CHL1: variants seen among roughly 807,000 people sequenced by gnomAD.
CHL1 encodes neural cell adhesion molecule L1-like protein.
CHL1 carries 96 observed loss-of-function variants against 141.9 expected under a neutral mutation model. The ratio of observed to expected loss-of-function variants is 0.68; its 90% CI spans 0.57 to 0.80. The LOEUF (loss-of-function observed/expected upper bound fraction) is 0.80, where lower values mean the gene tolerates loss of function less well. Among genes scored for constraint, CHL1 ranks in the 30% least tolerant of loss-of-function variants. CHL1 has a pLI of 0.00. For synonymous variants in CHL1, 613 were observed against 502.2 expected, an observed-to-expected ratio of 1.22 and a Z score of -2.95; for missense variants, 1,820 against 1,457.2, an observed-to-expected ratio of 1.25 and a Z score of -4.05.
intron 23 of CHL1, among the ~76,000 whole-genome samples, chr3:393,150 G>A (rs1462595406): frequency 1.3e-5 from 2 of 151,358 alleles, no homozygotes; most frequent in Non-Finnish European, 2.9e-5. Flanking sequence ...GGAGAATGGC[G>A]TGAACCCGGG....
chr3:325,176 A>G (rs200414807), intron 3 of CHL1, among the ~76,000 whole-genome samples: 26 of 125,070 alleles, frequency 2.1e-4, no homozygotes, highest in South Asian at 3.6e-4. Flanking sequence ...AAAAAAAAAG[A>G]AAATTAAAAT....
intron 10 of CHL1, among the ~76,000 whole-genome samples, chr3:353,977 A>G (rs1703486753): frequency 6.6e-6 from 1 of 152,166 alleles, no homozygotes; most frequent in Non-Finnish European, 1.5e-5. Flanking sequence ...CATACTTTGT[A>G]GTATTGTTAC....
intron 26 of CHL1, among the ~76,000 whole-genome samples, chr3:399,478 A>G (rs1262175962): frequency 1.3e-5 from 2 of 152,096 alleles, no homozygotes; most frequent in Non-Finnish European, 1.5e-5. Context: ...CGTCTCTACT[A>G]AAAATACAAA....
chr3:211,836 TA>T (rs1341174306), intron 1 of CHL1, among the ~76,000 whole-genome samples: 1 of 152,204 alleles, frequency 6.6e-6, no homozygotes. Context: ...ATACAATGTC[TA>T]TATATTATTT....
At chr3:358,610 C>G (rs1318304963) in intron 11 of CHL1, among the ~76,000 whole-genome samples, 1 of 152,090 alleles carries the variant, frequency 6.6e-6, no homozygotes, top group Non-Finnish European at 1.5e-5. Context: ...TAAGTATTTA[C>G]TGGCTGGATT....
chr3:323,140 T>C (rs960118748), intron 3 of CHL1, among the ~76,000 whole-genome samples: 1 of 151,930 alleles, frequency 6.6e-6, no homozygotes, highest in Non-Finnish European at 1.5e-5. Flanking sequence ...AAATTATGGT[T>C]GTTCAGATAG....
At chr3:401,791 T>G in intron 27 of CHL1, 93 bp downstream of exon 27, 1 of 715,034 alleles carries the variant, frequency 1.4e-6, no homozygotes, top group Non-Finnish European at 2.3e-6. Context: ...ATAAAAAGGT[T>G]ACATAACTAC....
intron 1 of CHL1, among the ~76,000 whole-genome samples, chr3:204,237 A>C (rs1699213343): frequency 6.6e-6 from 1 of 152,254 alleles, no homozygotes; most frequent in South Asian, 2.1e-4. Flanking sequence ...CATTTTTAGC[A>C]GAGGTTCCTC....
intron 1 of CHL1, among the ~76,000 whole-genome samples, chr3:242,431 CT>C (rs1574834192): frequency 7.4e-6 from 1 of 135,006 alleles, no homozygotes; most frequent in African/African-American, 2.7e-5. Context: ...CCCGTCTCTA[CT>C]AAAAATACAA....
intron 23 of CHL1, among the ~76,000 whole-genome samples, chr3:393,033 A>G (rs1284437351): frequency 3.3e-5 from 5 of 152,098 alleles, no homozygotes; most frequent in Non-Finnish European, 7.4e-5. Flanking sequence ...GGAGATCGAG[A>G]CCATCCTGGC....
intron 15 of CHL1, among the ~76,000 whole-genome samples, chr3:372,615 C>A (rs1705780531): frequency 6.6e-6 from 1 of 152,168 alleles, no homozygotes; most frequent in Non-Finnish European, 1.5e-5. Flanking sequence ...CCTGTCAATT[C>A]ATCTGCCTCA....
At chr3:399,299 G>T (rs552090286) in intron 26 of CHL1, 151 bp downstream of exon 26, 2 of 625,440 alleles carry the variant, frequency 3.2e-6, no homozygotes, top group South Asian at 2.0e-5. Flanking sequence ...AAAACGTATT[G>T]CTAAATTAAC....
intron 2 of CHL1, among the ~76,000 whole-genome samples, chr3:299,083 C>T (rs1362495695): frequency 6.6e-6 from 1 of 152,096 alleles, no homozygotes; most frequent in Non-Finnish European, 1.5e-5. Context: ...GAGTAACCTC[C>T]CATGTGCCAG....
chr3:228,071 A>G (rs546739139), intron 1 of CHL1, among the ~76,000 whole-genome samples: 2 of 152,308 alleles, frequency 1.3e-5, no homozygotes, highest in African/African-American at 4.8e-5. Context: ...AGAGGCAAAC[A>G]CTGCCTAATG....
chr3:297,409 A>T (rs1277482960), intron 2 of CHL1, among the ~76,000 whole-genome samples: 1 of 151,678 alleles, frequency 6.6e-6, no homozygotes, highest in African/African-American at 2.4e-5. Flanking sequence ...TCTTTTGCCC[A>T]TTAGACTATT....
At chr3:288,842 A>G (rs964256940) in intron 2 of CHL1, among the ~76,000 whole-genome samples, 1 of 152,234 alleles carries the variant, frequency 6.6e-6, no homozygotes, top group Admixed American at 6.5e-5. Context: ...AGACAAGCTT[A>G]ATTGTGCAAC....
chr3:376,742 T>A (rs1033976662), intron 15 of CHL1, among the ~76,000 whole-genome samples: 19 of 152,210 alleles, frequency 1.2e-4, no homozygotes, highest in Admixed American at 3.3e-4. Flanking sequence ...TAATATTGTA[T>A]CAAATGGACA....
intron 15 of CHL1, among the ~76,000 whole-genome samples, chr3:369,027 T>C (rs1474567223): frequency 1.3e-5 from 2 of 152,234 alleles, no homozygotes; most frequent in Non-Finnish European, 2.9e-5. Context: ...TCAGGTAGCG[T>C]GATGCCTCCA....
chr3:363,163 A>G (rs193059197), intron 13 of CHL1, 54 bp from the exon 14 acceptor site: 1 of 1,490,336 alleles, frequency 6.7e-7, no homozygotes, highest in African/African-American at 1.4e-5. Context: ...AGTATTAAAA[A>G]GCGTATACAA....
Sources: gnomAD v4.1 joint callset for allele counts (sites outside exome capture counted in the v4.1 genomes callset) on GRCh38, gnomAD v4.1.1 for gene constraint, MANE v1.5 for transcripts, NCBI Gene and HGNC (gene_info 2026-07-23, HGNC 2026-07-21) for gene names.